Variants in ZFAT observed in about 807,000 individuals in gnomAD.
ZFAT encodes the protein zinc finger and AT-hook domain containing.
ZFAT carries 64 observed loss-of-function variants against 117.7 expected under a neutral mutation model. The observed-to-expected ratio is 0.54, with a 90% CI of 0.44 to 0.67. The LOEUF is 0.67. ZFAT is among the 30% of genes least tolerant of loss of function. ZFAT has a pLI of 0.00. For missense variants in ZFAT, 1,433 were observed against 1,584.5 expected, an observed-to-expected ratio of 0.90 and a Z score of 1.62; for synonymous variants, 679 against 615.0, an observed-to-expected ratio of 1.10 and a Z score of -1.54.
chr8:134,541,600 G>T (rs941456506), intron 11 of ZFAT, among the ~76,000 whole-genome samples: 10 of 152,028 alleles, frequency 6.6e-5, no homozygotes, highest in Admixed American at 6.5e-5. Flanking sequence ...CACAAGTAAA[G>T]AGACGAGGAA....
rs1823045618 is a variant in ZFAT, at chr8:134,550,316, A to AAAAAAAAAC, written c.2976+15016_2976+15017insGTTTTTTTT. On this transcript the variant is annotated intron_variant, in intron 11 of 15. Coordinates refer to ENST00000377838, the MANE Select transcript of ZFAT (RefSeq NM_020863.4). ...TCCAGGGTTGGTCACAACGGAAAAA[A>AAAAAAAAAC]AAAAAAAAAAAAAAAACAGCACAGG... Among the ~76,000 whole-genome samples the AAAAAAAAAC allele has an allele frequency of 1.4e-5, 2 of 147,368 alleles. 1 individual carries two copies. Among genetic ancestry groups the AAAAAAAAAC allele is most frequent in the East Asian group, 3.9e-4 (2 of 5,156 alleles).
chr8:134,735,242 C>T, the ZFAT span, among the ~76,000 whole-genome samples: 6 of 152,140 alleles, frequency 3.9e-5, no homozygotes, highest in African/African-American at 1.4e-4. Context: ...GGCATTTTTC[C>T]TAGCAAGAGC....
intron 11 of ZFAT, among the ~76,000 whole-genome samples, chr8:134,547,775 T>C (rs1822809179): frequency 1.3e-5 from 2 of 152,222 alleles, no homozygotes. Flanking sequence ...TGGGCTGCAG[T>C]GAACCTCTGC....
the ZFAT span, among the ~76,000 whole-genome samples, chr8:134,773,599 G>C: frequency 6.6e-6 from 1 of 152,224 alleles, no homozygotes; most frequent in Non-Finnish European, 1.5e-5. Flanking sequence ...TTTCTGGAAA[G>C]GAGTGACCAT....
intron 5 of ZFAT, among the ~76,000 whole-genome samples, chr8:134,606,560 C>CA (rs200572177): frequency 1.1e-4 from 17 of 149,232 alleles, no homozygotes; most frequent in Admixed American, 2.0e-4. Context: ...ACTGAAAATC[C>CA]AAAAAAAAAG....
At chr8:134,761,982 A>ATGTGTGTGTGTGTGTG in the ZFAT span, among the ~76,000 whole-genome samples, 1,302 of 147,226 alleles carry the variant, frequency 8.8e-3, 21 homozygotes, top group African/African-American at 0.029. Flanking sequence ...TTCTCTCTGT[A>ATGTGTGTGTGTGTGTG]TGTGTGTGTG....
intron 3 of ZFAT, among the ~76,000 whole-genome samples, chr8:134,616,928 C>T (rs1828786755): frequency 6.6e-6 from 1 of 152,182 alleles, no homozygotes. Context: ...CAAAAGATGG[C>T]TGTAAGGTGG....
intron 15 of ZFAT, among the ~76,000 whole-genome samples, chr8:134,484,633 TA>T (rs1172294902): frequency 6.6e-6 from 1 of 152,208 alleles, no homozygotes; most frequent in Non-Finnish European, 1.5e-5. Flanking sequence ...TTTTGACTTC[TA>T]GTCTGCAAAA....
At chr8:134,780,203 T>C in the ZFAT span, among the ~76,000 whole-genome samples, 1 of 152,242 alleles carries the variant, frequency 6.6e-6, no homozygotes, top group East Asian at 1.9e-4. Flanking sequence ...CAATTCTACA[T>C]GCTTTCTTAA....
At chr8:134,682,101 C>T (rs1226831359) in intron 1 of ZFAT, among the ~76,000 whole-genome samples, 2 of 152,072 alleles carry the variant, frequency 1.3e-5, no homozygotes, top group Non-Finnish European at 2.9e-5. Context: ...AGGAAGAAGC[C>T]GATGAGAAGG....
intron 3 of ZFAT, among the ~76,000 whole-genome samples, chr8:134,622,172 T>G (rs957793421): frequency 2.0e-5 from 3 of 152,216 alleles, no homozygotes; most frequent in African/African-American, 4.8e-5. Flanking sequence ...TCTTTCTGGT[T>G]TCTTTCGGTT....
intron 1 of ZFAT, among the ~76,000 whole-genome samples, chr8:134,709,925 G>C (rs1200001689): frequency 6.6e-6 from 1 of 152,136 alleles, no homozygotes; most frequent in Non-Finnish European, 1.5e-5. Flanking sequence ...TAGACCACAT[G>C]CAACTCCACC....
At chr8:134,529,744 T>C (rs1821280441) in intron 12 of ZFAT, among the ~76,000 whole-genome samples, 1 of 152,166 alleles carries the variant, frequency 6.6e-6, no homozygotes, top group South Asian at 2.1e-4. Context: ...AGGGACATCA[T>C]GTGAGCAGCT....
chr8:134,733,206 G>A, the ZFAT span, among the ~76,000 whole-genome samples: 2 of 152,244 alleles, frequency 1.3e-5, no homozygotes, highest in South Asian at 4.2e-4. Flanking sequence ...GCAAATATCT[G>A]GTCTGGGAAC....
At chr8:134,730,318 G>A in the ZFAT span, among the ~76,000 whole-genome samples, 1 of 152,158 alleles carries the variant, frequency 6.6e-6, no homozygotes, top group South Asian at 2.1e-4. Context: ...CATCAACCTC[G>A]ACATCTCCCA....
At chr8:134,500,797 T>G (rs1453359447) in intron 15 of ZFAT, among the ~76,000 whole-genome samples, 2 of 152,250 alleles carry the variant, frequency 1.3e-5, no homozygotes, top group East Asian at 3.8e-4. Flanking sequence ...GCCAAGACTC[T>G]GAATGAACTT....
intron 1 of ZFAT, among the ~76,000 whole-genome samples, chr8:134,694,973 GA>G (rs201036035): frequency 6.6e-6 from 1 of 151,774 alleles, no homozygotes; most frequent in African/African-American, 2.4e-5. Flanking sequence ...CTCCACATTG[GA>G]AAAAAAACAC....
the ZFAT span, among the ~76,000 whole-genome samples, chr8:134,819,586 A>G: frequency 2.8e-5 from 4 of 140,872 alleles, no homozygotes; most frequent in African/African-American, 1.1e-4. Context: ...CGCTCCTCCA[A>G]TATTCTAATT....
chr8:134,688,381 A>G (rs1563764740), intron 1 of ZFAT, among the ~76,000 whole-genome samples: 2 of 152,214 alleles, frequency 1.3e-5, no homozygotes, highest in Non-Finnish European at 2.9e-5. Context: ...ACACATGCGC[A>G]CACAAACATA....
Sources: allele counts gnomAD v4.1 joint callset (sites outside exome capture counted in the v4.1 genomes callset), GRCh38; gene constraint gnomAD v4.1.1; transcripts MANE v1.5; gene names NCBI Gene and HGNC (gene_info 2026-07-23, HGNC 2026-07-21).